The following SLC26A3 variants were observed in gnomAD, a reference collection of about 807,000 sequenced individuals.
SLC26A3 encodes chloride anion exchanger.
Under a neutral mutation model 85.6 loss-of-function variants are expected in SLC26A3, and 64 were observed. The ratio of observed to expected loss-of-function variants is 0.75; its 90% CI spans 0.61 to 0.92. The LOEUF (loss-of-function observed/expected upper bound fraction) is 0.92. Ranked by LOEUF, SLC26A3 falls within the 40% of genes least tolerant of loss-of-function variation. The probability of loss-of-function intolerance (pLI) is 0.00; values close to 1 mark genes in which losing one functional copy is unlikely to be tolerated. For missense variants in SLC26A3, 922 were observed against 927.3 expected, an observed-to-expected ratio of 0.99 and a Z score of 0.07; for synonymous variants, 349 against 336.0, an observed-to-expected ratio of 1.04 and a Z score of -0.42.
chr7:107,769,390 A>G (rs888655655), intron 18 of SLC26A3, among the ~76,000 whole-genome samples: 1 of 152,136 alleles, frequency 6.6e-6, no homozygotes, highest in Admixed American at 6.6e-5. Context: ...TACTATATAA[A>G]AACATATAAA....
chr7:107,798,141 T>G (rs1324104540), intron 1 of SLC26A3, among the ~76,000 whole-genome samples: 1 of 152,112 alleles, frequency 6.6e-6, no homozygotes, highest in East Asian at 1.9e-4. Context: ...TTGGCCTTTA[T>G]GATATATATA....
intron 5 of SLC26A3, 91 bp from the exon 6 acceptor site, chr7:107,789,779 A>C: frequency 7.5e-7 from 1 of 1,341,590 alleles, no homozygotes; most frequent in Non-Finnish European, 1.0e-6. Flanking sequence ...ATTACACAAA[A>C]CGTAAAGGCT....
rs1794232530 is a variant in SLC26A3, at chr7:107,782,781, C to A, written c.1311+16G>T. 1 of 1,611,514 alleles carries A rather than the reference C, an allele frequency of 6.2e-7. No homozygotes were observed. Among genetic ancestry groups the A allele is most frequent in the Non-Finnish European group, 8.5e-7 (1 of 1,177,686 alleles). The stretch of plus-strand genomic sequence containing the variant: ...TTACCACTAAAAGTAGAGATGCTAT[C>A]CAAAGACAGTGTTACCTTTTGTAGA... On this transcript the variant is annotated intron_variant, in intron 11 of 20. Transcript: ENST00000340010.
chr7:107,795,836 G>T (rs1319535231), intron 1 of SLC26A3, among the ~76,000 whole-genome samples: 1 of 151,592 alleles, frequency 6.6e-6, no homozygotes, highest in Non-Finnish European at 1.5e-5. Flanking sequence ...ATAGTATCTT[G>T]TTACACCGTG....
chr7:107,786,766 T>A, intron 8 of SLC26A3, 61 bp downstream of exon 8: 1 of 1,372,882 alleles, frequency 7.3e-7, no homozygotes, highest in East Asian at 2.3e-5. Context: ...GTACCTCTCC[T>A]GTCACTACTG....
At chr7:107,785,926 A>G (rs1270327570) in intron 8 of SLC26A3, among the ~76,000 whole-genome samples, 1 of 152,096 alleles carries the variant, frequency 6.6e-6, no homozygotes, top group Non-Finnish European at 1.5e-5. Context: ...AAACAGGAAA[A>G]CACCTTTTCC....
intron 6 of SLC26A3, 90 bp downstream of exon 6, chr7:107,789,434 C>A: frequency 7.6e-7 from 1 of 1,318,434 alleles, no homozygotes; most frequent in Non-Finnish European, 1.1e-6. Flanking sequence ...TAGGTAAACC[C>A]CATGGCAAAG....
chr7:107,793,265 C>T (rs760075438), intron 3 of SLC26A3, among the ~76,000 whole-genome samples: 2 of 152,282 alleles, frequency 1.3e-5, no homozygotes, highest in East Asian at 1.9e-4. Flanking sequence ...GAAGCATGCT[C>T]ACACAAATAT....
In SLC26A3 at chr7:107,783,328, G is replaced by T; in HGVS notation, c.996C>A (p.Asp332Glu). Reference sequence around the variant, plus strand: ...CTACGGTGTTTTGGAAAGTCTCCACGTCAGGTGTAATAGGGGGCTGAAATC... The same window carrying T: ...CTACGGTGTTTTGGAAAGTCTCCACTTCAGGTGTAATAGGGGGCTGAAATC... Reference protein sequence around the residue: ...NPGFQPPITPDVETFQNTVGD... With the variant: ...NPGFQPPITPEVETFQNTVGD... Residue 332 changes from aspartate (D) to glutamate (E), a missense_variant, in exon 9 of 21, where the codon GAC (aspartate) becomes GAA (glutamate). Transcript: ENST00000340010. 3.7e-6 allele frequency: 6 copies of T among 1,614,160 alleles called. No homozygotes were observed. The highest frequency in any genetic ancestry group is 4.2e-6 in the Non-Finnish European group (5 of 1,180,008).
Position 107,782,876 on chromosome 7 carries a change from T to G in SLC26A3, c.1234-2A>C. 6.2e-7 allele frequency: 1 copy of G among 1,613,918 alleles called. No homozygotes were observed. On this transcript the variant is annotated splice_acceptor_variant, in intron 10 of 20. Transcript: ENST00000340010. LOFTEE classifies it high-confidence loss of function. ...GATGGCACCAATAAGCCCAGCAATC[T>G]GTGAGGATAAAAAAATTATCATCAC...
Position 107,765,684 on chromosome 7 carries a change from A to G in SLC26A3, c.*171T>C. 1 of 560,120 alleles carries G rather than the reference A, an allele frequency of 1.8e-6. No homozygotes were observed. Among genetic ancestry groups the G allele is most frequent in the Non-Finnish European group, 3.2e-6 (1 of 313,484 alleles). 34.7% of individuals were successfully genotyped at this position (560,120 alleles called of 1,614,324 possible). A position where few individuals can be genotyped will look rare whatever the true frequency, so the allele number is the denominator to read the frequency against. ...AAATTTAGAATACTTATATAATTTC[A>G]TACTAGATATGTGAAAAATATGCCA... On this transcript the variant is annotated 3_prime_UTR_variant, in exon 21 of 21. Transcript: ENST00000340010.
chr7:107,801,383 C>T (rs1177046100), intron 1 of SLC26A3, among the ~76,000 whole-genome samples: 1 of 152,156 alleles, frequency 6.6e-6, no homozygotes, highest in African/African-American at 2.4e-5. Context: ...GCCTCACACT[C>T]CTACACTCAA....
rs1794626005 is a variant in SLC26A3, at chr7:107,803,162, A to G, written c.-140T>C. On this transcript the variant is annotated 5_prime_UTR_variant, in exon 1 of 21. Coordinates refer to ENST00000340010, the MANE Select transcript of SLC26A3 (RefSeq NM_000111.3). ...TGCAACAGTGGTACATTTTCAAGAT[A>G]AAGTTCTAAGTTCTAGTTCTAAGAG... 1 of 152,364 alleles carries G rather than the reference A, an allele frequency of 6.6e-6. No homozygotes were observed. The highest frequency in any genetic ancestry group is 1.5e-5 in the Non-Finnish European group (1 of 68,038). 9.4% of individuals were successfully genotyped at this position (152,364 alleles called of 1,614,324 possible).
intron 1 of SLC26A3, among the ~76,000 whole-genome samples, chr7:107,796,315 C>T (rs1362073305): frequency 6.6e-6 from 1 of 152,046 alleles, no homozygotes; most frequent in East Asian, 1.9e-4. Flanking sequence ...ATATGTTGCC[C>T]AGGCTGGCCT....
At chr7:107,798,648 C>T (rs1001636520) in intron 1 of SLC26A3, among the ~76,000 whole-genome samples, 1 of 152,136 alleles carries the variant, frequency 6.6e-6, no homozygotes, top group Non-Finnish European at 1.5e-5. Context: ...TTCCCAGCCC[C>T]TCCGCAGTCA....
At chr7:107,783,169 T>C in intron 9 of SLC26A3, 36 bp downstream of exon 9, 7 of 1,614,060 alleles carry the variant, frequency 4.3e-6, no homozygotes, top group Non-Finnish European at 5.9e-6. Context: ...TTATTTAAAG[T>C]TGCCCAGTGA....
chr7:107,773,781 C>T (rs1794063460), intron 17 of SLC26A3, 139 bp downstream of exon 17: 1 of 719,624 alleles, frequency 1.4e-6, no homozygotes, highest in African/African-American at 1.8e-5. Context: ...GAAGTCCTGA[C>T]CTCAGGTGAT....
intron 1 of SLC26A3, among the ~76,000 whole-genome samples, chr7:107,801,003 C>T (rs541103544): frequency 2.6e-5 from 4 of 152,322 alleles, no homozygotes; most frequent in Middle Eastern, 3.4e-3. Context: ...TGCACCATAG[C>T]AAGGGATTTC....
At chr7:107,767,683 T>C (rs776865026) in intron 19 of SLC26A3, 39 bp from the exon 20 acceptor site, 5 of 1,592,566 alleles carry the variant, frequency 3.1e-6, no homozygotes, top group African/African-American at 1.3e-5. Flanking sequence ...TAGGGGCTGA[T>C]TTTTTTTAAT....
Sources: gnomAD v4.1 joint callset for allele counts (sites outside exome capture counted in the v4.1 genomes callset) on GRCh38, gnomAD v4.1.1 for gene constraint, MANE v1.5 for transcripts, NCBI Gene and HGNC (gene_info 2026-07-23, HGNC 2026-07-21) for gene names.